The following ADIPOR2 variants were observed in gnomAD, a reference collection of about 807,000 sequenced individuals.
ADIPOR2 encodes the protein adiponectin receptor 2, also known as adiponectin receptor protein 2.
A neutral mutation model predicts 40.9 loss-of-function variants in ADIPOR2; 18 were observed. That is an observed-to-expected ratio of 0.44 (90% CI 0.30 to 0.65). ADIPOR2 has a LOEUF of 0.65. Ranked by LOEUF, ADIPOR2 falls within the 30% of genes least tolerant of loss-of-function variation. The probability of loss-of-function intolerance (pLI) is 0.09; values close to 1 mark genes in which losing one functional copy is unlikely to be tolerated. For synonymous variants in ADIPOR2, 165 were observed against 166.4 expected (o/e 0.99, Z 0.06); for missense variants, 283 against 479.2 (o/e 0.59, Z 3.82).
chr12:1,738,986 ATTTC>A (rs2094736991), intron 1 of ADIPOR2, among the ~76,000 whole-genome samples: 1 of 152,124 alleles, frequency 6.6e-6, no homozygotes, highest in Non-Finnish European at 1.5e-5. Flanking sequence ...ATTCAGCAAA[ATTTC>A]TTTTGTGATA....
intron 1 of ADIPOR2, among the ~76,000 whole-genome samples, chr12:1,707,251 C>T (rs903399308): frequency 2.6e-5 from 4 of 152,014 alleles, no homozygotes; most frequent in Non-Finnish European, 4.4e-5. Context: ...TTTTTGTGGA[C>T]TTAAGTTTTT....
chr12:1,751,603 G>A (rs913046338), intron 1 of ADIPOR2, among the ~76,000 whole-genome samples: 6 of 152,106 alleles, frequency 3.9e-5, no homozygotes, highest in Non-Finnish European at 7.4e-5. Context: ...GAACTCCTGG[G>A]CTTAAGTGAT....
chr12:1,704,753 T>C (rs374470158), intron 1 of ADIPOR2, among the ~76,000 whole-genome samples: 8 of 152,188 alleles, frequency 5.3e-5, no homozygotes, highest in East Asian at 3.8e-4. Context: ...TGTTTCCTCT[T>C]AAGAGGGTTT....
intron 1 of ADIPOR2, among the ~76,000 whole-genome samples, chr12:1,734,566 G>T (rs1185225661): frequency 6.6e-6 from 1 of 152,156 alleles, no homozygotes; most frequent in African/African-American, 2.4e-5. Context: ...TAGGTTGCCT[G>T]TTCACTCTGA....
chr12:1,743,016 G>A (rs568275319), intron 1 of ADIPOR2, among the ~76,000 whole-genome samples: 1 of 152,074 alleles, frequency 6.6e-6, no homozygotes, highest in South Asian at 2.1e-4. Context: ...TCTTTTTAAG[G>A]GAGAATATAG....
At chr12:1,711,851 G>A (rs575750728) in intron 1 of ADIPOR2, among the ~76,000 whole-genome samples, 6 of 152,226 alleles carry the variant, frequency 3.9e-5, no homozygotes, top group South Asian at 4.1e-4. Context: ...CAATAACTCC[G>A]TGATTTCCTT....
At chr12:1,695,058 C>A in intron 1 of ADIPOR2, among the ~76,000 whole-genome samples, 1 of 142,154 alleles carries the variant, frequency 7.0e-6, no homozygotes, top group East Asian at 2.2e-4. Context: ...CACTCTGTAT[C>A]TCAGGCTGGA....
At chr12:1,777,459 T>C (rs964057408) in intron 3 of ADIPOR2, among the ~76,000 whole-genome samples, 1 of 142,860 alleles carries the variant, frequency 7.0e-6, no homozygotes, top group Non-Finnish European at 1.5e-5. Flanking sequence ...TCATCTCAGC[T>C]CACCACAACC....
intron 1 of ADIPOR2, among the ~76,000 whole-genome samples, chr12:1,745,851 T>C (rs2094753884): frequency 6.6e-6 from 1 of 151,504 alleles, no homozygotes; most frequent in Non-Finnish European, 1.5e-5. Context: ...TATAACAAGT[T>C]AGTACCAGCT....
intron 1 of ADIPOR2, among the ~76,000 whole-genome samples, chr12:1,731,424 AT>A (rs1565641277): frequency 6.6e-6 from 1 of 152,166 alleles, no homozygotes; most frequent in Admixed American, 6.5e-5. Context: ...TATATTCACA[AT>A]GTTGTACAAT....
intron 1 of ADIPOR2, among the ~76,000 whole-genome samples, chr12:1,727,527 C>T (rs1441343771): frequency 6.6e-6 from 1 of 152,136 alleles, no homozygotes; most frequent in African/African-American, 2.4e-5. Flanking sequence ...AGAAGTCTTC[C>T]ATGGCTGCCC....
chr12:1,727,073 A>G (rs903954830), intron 1 of ADIPOR2, among the ~76,000 whole-genome samples: 1 of 152,200 alleles, frequency 6.6e-6, no homozygotes, highest in Non-Finnish European at 1.5e-5. Context: ...TGCATGTTCT[A>G]CTTTCTTTGC....
At chr12:1,710,132 G>T (rs534548968) in intron 1 of ADIPOR2, among the ~76,000 whole-genome samples, 1 of 152,278 alleles carries the variant, frequency 6.6e-6, no homozygotes, top group South Asian at 2.1e-4. Context: ...GGACCCCTCA[G>T]CACACTGTAA....
intron 1 of ADIPOR2, among the ~76,000 whole-genome samples, chr12:1,720,702 C>T (rs141133347): frequency 4.9e-4 from 74 of 152,252 alleles, no homozygotes; most frequent in African/African-American, 1.7e-3. Flanking sequence ...GCTTTTGAGC[C>T]CCTCCTGCTG....
intron 1 of ADIPOR2, among the ~76,000 whole-genome samples, chr12:1,733,045 A>G (rs2154442620): frequency 6.6e-6 from 1 of 152,300 alleles, no homozygotes; most frequent in East Asian, 1.9e-4. Flanking sequence ...TGTTAGATTT[A>G]CAGTGGAGGT....
chr12:1,776,019 C>T (rs1461928767), intron 3 of ADIPOR2, among the ~76,000 whole-genome samples: 1 of 152,064 alleles, frequency 6.6e-6, no homozygotes, highest in Non-Finnish European at 1.5e-5. Flanking sequence ...CACATTAGCA[C>T]CAGTAACCAC....
At chr12:1,769,073 A>G (rs1464800439) in intron 2 of ADIPOR2, among the ~76,000 whole-genome samples, 1 of 152,196 alleles carries the variant, frequency 6.6e-6, no homozygotes, top group Non-Finnish European at 1.5e-5. Context: ...TATAGATACA[A>G]TTTATTGTTC....
chr12:1,753,933 G>A (rs1486315775), intron 1 of ADIPOR2, among the ~76,000 whole-genome samples: 2 of 151,864 alleles, frequency 1.3e-5, no homozygotes, highest in African/African-American at 4.8e-5. Context: ...CTTCAGACCC[G>A]AGGTTCTTCC....
intron 1 of ADIPOR2, among the ~76,000 whole-genome samples, chr12:1,736,555 A>G (rs550703396): frequency 4.6e-5 from 7 of 152,296 alleles, no homozygotes; most frequent in Admixed American, 3.3e-4. Flanking sequence ...ATCTTTTCAG[A>G]AAACCAGCTC....
Sources: gnomAD v4.1 joint callset for allele counts (sites outside exome capture counted in the v4.1 genomes callset) on GRCh38, gnomAD v4.1.1 for gene constraint, MANE v1.5 for transcripts, NCBI Gene and HGNC (gene_info 2026-07-23, HGNC 2026-07-21) for gene names.